The following MXI1 variants were observed in gnomAD, a reference collection of about 807,000 sequenced individuals.
MXI1 encodes MAX interactor 1, dimerization protein.
A neutral mutation model predicts 36.9 loss-of-function variants in MXI1; 18 were observed. That is an observed-to-expected ratio of 0.49 (90% CI 0.34 to 0.72). The LOEUF (loss-of-function observed/expected upper bound fraction) is 0.72. Ranked by LOEUF, MXI1 falls within the 30% of genes least tolerant of loss-of-function variation. The pLI is 0.01. For missense variants in MXI1, 304 were observed against 379.1 expected (o/e 0.80, Z 1.64); for synonymous variants, 160 against 146.7 (o/e 1.09, Z -0.65).
At position 110,208,069 on chromosome 10, in the gene MXI1, G is replaced by C; in HGVS notation, c.261G>C (p.Glu87Asp). The change falls in exon 1 of 6, where the codon GAG (glutamate) becomes GAC (aspartate). Residue 87 changes from glutamate (E) to aspartate (D), a missense_variant. This residue lies in a region of MXI1 where 179 missense variants were observed against 184.8 expected (regional missense o/e 0.97). Transcript: ENST00000332674. ...LEAASYLEQI[E>D]KENKKCEHGY... ...CCGCCAGCTACCTGGAGCAGATCGA[G>C]AAAGAAAACAAAAGTAAGTTTGGGG... The C allele has an allele frequency of 2.5e-6, 4 of 1,594,694 alleles. No individual in the cohort carries two copies. Among genetic ancestry groups the C allele is most frequent in the Non-Finnish European group, 3.4e-6 (4 of 1,170,774 alleles).
intron 1 of MXI1, among the ~76,000 whole-genome samples, chr10:110,218,399 G>A (rs953514725): frequency 5.3e-5 from 8 of 150,146 alleles, no homozygotes; most frequent in African/African-American, 1.5e-4. Context: ...GCAGTGAGCC[G>A]AGATCACACC....
At chr10:110,257,986 C>T (rs1008402832) in intron 3 of MXI1, 3 of 154,844 alleles carry the variant, frequency 1.9e-5, no homozygotes, top group Non-Finnish European at 2.9e-5. Context: ...AAAGAATTTA[C>T]TAGTTTTATA....
intron 2 of MXI1, among the ~76,000 whole-genome samples, chr10:110,243,991 A>G (rs936543459): frequency 1.3e-5 from 2 of 152,026 alleles, no homozygotes; most frequent in Non-Finnish European, 2.9e-5. Context: ...CATGGCTGCC[A>G]CTTTATACTC....
chr10:110,276,848 T>C (rs895978561), intron 3 of MXI1, among the ~76,000 whole-genome samples: 48 of 151,506 alleles, frequency 3.2e-4, no homozygotes, highest in African/African-American at 1.9e-4. Flanking sequence ...CTTTTCTTTT[T>C]TTTTTTTTTT....
At chr10:110,230,387 T>G (rs994675475) in intron 2 of MXI1, among the ~76,000 whole-genome samples, 1 of 152,216 alleles carries the variant, frequency 6.6e-6, no homozygotes, top group Non-Finnish European at 1.5e-5. Context: ...TTTGTAAAAC[T>G]GCAAGCATGC....
chr10:110,215,332 A>T (rs1854611418), intron 1 of MXI1, among the ~76,000 whole-genome samples: 1 of 152,018 alleles, frequency 6.6e-6, no homozygotes, highest in Non-Finnish European at 1.5e-5. Context: ...GAGCCACCAC[A>T]CTGGGTCCAG....
intron 1 of MXI1, among the ~76,000 whole-genome samples, chr10:110,216,814 G>A (rs1854659876): frequency 6.6e-6 from 1 of 151,494 alleles, no homozygotes; most frequent in African/African-American, 2.4e-5. Context: ...CTATAGGTGT[G>A]TGCCACCTTG....
intron 3 of MXI1, among the ~76,000 whole-genome samples, chr10:110,246,709 T>C (rs1590367142): frequency 6.6e-6 from 1 of 152,160 alleles, no homozygotes; most frequent in Non-Finnish European, 1.5e-5. Flanking sequence ...GGCTCTAGTA[T>C]TGAGTGAAGG....
chr10:110,283,279 TGAGA>T (rs34739405), intron 5 of MXI1, among the ~76,000 whole-genome samples: 2 of 151,514 alleles, frequency 1.3e-5, no homozygotes, highest in South Asian at 2.1e-4. Context: ...TTTTTTTTTT[TGAGA>T]GAGAGTGTCT....
chr10:110,279,421 C>G, intron 4 of MXI1, 127 bp downstream of exon 4: 1 of 767,014 alleles, frequency 1.3e-6, no homozygotes, highest in Non-Finnish European at 2.1e-6. Flanking sequence ...CAAGAGAAGT[C>G]TTTCTAAAAA....
chr10:110,215,532 C>T (rs374333803), intron 1 of MXI1, among the ~76,000 whole-genome samples: 7 of 152,120 alleles, frequency 4.6e-5, no homozygotes, highest in South Asian at 2.1e-4. Context: ...CTACCTGATA[C>T]GAGAATGGGT....
intron 3 of MXI1, among the ~76,000 whole-genome samples, chr10:110,266,392 G>A (rs1856679401): frequency 6.6e-6 from 1 of 152,172 alleles, no homozygotes; most frequent in African/African-American, 2.4e-5. Flanking sequence ...ACAGGTGTGA[G>A]CCACCGTGCC....
chr10:110,215,736 G>A (rs1424239974), intron 1 of MXI1, among the ~76,000 whole-genome samples: 1 of 152,164 alleles, frequency 6.6e-6, no homozygotes, highest in Non-Finnish European at 1.5e-5. Context: ...TTTTACATTT[G>A]GGGGCTGGGA....
intron 2 of MXI1, among the ~76,000 whole-genome samples, chr10:110,231,367 C>A (rs559716822): frequency 2.0e-5 from 3 of 150,464 alleles, no homozygotes; most frequent in Non-Finnish European, 3.0e-5. Context: ...AATCCACCCC[C>A]CCCCCCTCAA....
In MXI1 at chr10:110,207,866, C is replaced by A. The variant is rs1264668005; in HGVS notation, c.58C>A (p.Pro20Thr). The stretch of plus-strand genomic sequence containing the variant: ...GCGCTGCGAGGGCGCGGGGCTGGCC[C>A]CCGCCGCGCCCCCGGCTGTGCCCCC... ...EARCEGAGLA[P>T]AAPPAVPPAV... The change falls in exon 1 of 6, where the codon CCC becomes ACC. Residue 20 changes from proline (P) to threonine (T), a missense_variant. Coordinates refer to ENST00000332674, the MANE Select transcript of MXI1 (RefSeq NM_130439.3). 2.5e-6 allele frequency: 3 copies of A among 1,203,734 alleles called. No individual in the cohort carries two copies. The highest frequency in any genetic ancestry group is 2.1e-6 in the Non-Finnish European group (2 of 968,754). 74.6% of individuals were successfully genotyped at this position (1,203,734 alleles called of 1,614,324 possible). A position where few individuals can be genotyped will look rare whatever the true frequency, so the allele number is the denominator to read the frequency against.
At chr10:110,254,982 T>C (rs1856234170) in intron 3 of MXI1, among the ~76,000 whole-genome samples, 1 of 152,220 alleles carries the variant, frequency 6.6e-6, no homozygotes, top group African/African-American at 2.4e-5. Flanking sequence ...ATTTTCAAAG[T>C]AGACGAAACC....
rs1432502657 is a variant in MXI1 at position 110,287,067 on chromosome 10, A to T, written c.*2080A>T. Reference sequence around the variant, plus strand: ...GCTACCATACAAAGTGAATGAAGCCAGTGACTAAGCTTCTGTTTGTTTTGT... The same window carrying T: ...GCTACCATACAAAGTGAATGAAGCCTGTGACTAAGCTTCTGTTTGTTTTGT... On this transcript the variant is annotated 3_prime_UTR_variant, in exon 6 of 6. Transcript: ENST00000332674. 2.0e-5 allele frequency: 3 copies of T among 152,240 alleles called. No homozygotes were observed. Among genetic ancestry groups the T allele is most frequent in the African/African-American group, 7.2e-5 (3 of 41,462 alleles). The allele number at this position is 152,240 out of a possible 1,614,324, so 9.4% of individuals were successfully genotyped here. A position where few individuals can be genotyped will look rare whatever the true frequency, so the allele number is the denominator to read the frequency against.
intron 1 of MXI1, among the ~76,000 whole-genome samples, chr10:110,219,471 C>T (rs1275756935): frequency 6.6e-6 from 1 of 152,138 alleles, no homozygotes; most frequent in Admixed American, 6.5e-5. Context: ...GATGGAGAGC[C>T]TTGGTACCCC....
At chr10:110,211,787 C>T (rs1854522878) in intron 1 of MXI1, among the ~76,000 whole-genome samples, 1 of 152,212 alleles carries the variant, frequency 6.6e-6, no homozygotes, top group Non-Finnish European at 1.5e-5. Flanking sequence ...CAGGTACATT[C>T]TCCCAAAACT....
Sources: gnomAD v4.1 joint callset for allele counts (sites outside exome capture counted in the v4.1 genomes callset) on GRCh38, gnomAD v4.1.1 for gene constraint, gnomAD v4.1.1 regional missense constraint, MANE v1.5 for transcripts, NCBI Gene and HGNC (gene_info 2026-07-23, HGNC 2026-07-21) for gene names.